MATCAP1: variants seen among roughly 807,000 people sequenced by gnomAD.
MATCAP1 encodes the protein microtubule-associated tyrosine carboxypeptidase 1.
chr16:67,176,975 C>T, the MATCAP1 span: 1 of 1,539,582 alleles, frequency 6.5e-7, no homozygotes, highest in African/African-American at 1.4e-5. This position sits in a 1 kb window ranked among gnomAD's most constrained non-coding sequence, Gnocchi z 4.3. Flanking sequence ...TCATAGGACA[C>T]CTGCAGGAGG....
the MATCAP1 span, chr16:67,178,224 G>C: frequency 6.5e-7 from 1 of 1,541,014 alleles, no homozygotes; most frequent in South Asian, 1.2e-5. Context: ...CGGTCTGGCC[G>C]CGCTTGGCGC....
the MATCAP1 span, chr16:67,178,215 G>T: frequency 5.8e-6 from 9 of 1,540,132 alleles, no homozygotes; most frequent in East Asian, 2.4e-5. Flanking sequence ...GCGAGGTGTC[G>T]GTCTGGCCGC....
the MATCAP1 span, chr16:67,178,192 C>T: frequency 6.5e-7 from 1 of 1,531,956 alleles, no homozygotes; most frequent in Non-Finnish European, 8.8e-7. Context: ...CCCGCGCTGG[C>T]GCACACCTGG....
chr16:67,178,983 C>G, the MATCAP1 span: 1 of 483,554 alleles, frequency 2.1e-6, no homozygotes, highest in Non-Finnish European at 3.3e-6. Context: ...GCCCTGCACC[C>G]CCCTGCCCAA....
the MATCAP1 span, chr16:67,178,626 C>T: frequency 1.1e-6 from 1 of 896,894 alleles, no homozygotes; most frequent in East Asian, 2.6e-5. Flanking sequence ...TCCTCATGCT[C>T]CTGAACTCAG....
the MATCAP1 span, chr16:67,180,633 G>C: frequency 6.7e-7 from 1 of 1,488,120 alleles, no homozygotes; most frequent in Non-Finnish European, 9.0e-7. Context: ...GTCACATCCA[G>C]CCGGGTCACT....
At chr16:67,183,849 C>T in the MATCAP1 span, 1 of 172,878 alleles carries the variant, frequency 5.8e-6, no homozygotes, top group Admixed American at 6.4e-5. Flanking sequence ...TTGGGGGGGT[C>T]CGTCCGCGTG....
chr16:67,176,099 G>A, the MATCAP1 span: 1 of 148,884 alleles, frequency 6.7e-6, no homozygotes, highest in Non-Finnish European at 1.5e-5. This position sits in a 1 kb window ranked among gnomAD's most constrained non-coding sequence, Gnocchi z 4.3. Context: ...GTGTGTGTGT[G>A]TGTGTGTGTG....
chr16:67,181,254 G>A, the MATCAP1 span, among the ~76,000 whole-genome samples: 4 of 152,202 alleles, frequency 2.6e-5, no homozygotes, highest in African/African-American at 9.7e-5. Context: ...TGCCACCCCT[G>A]CCCATCCACC....
chr16:67,181,783 C>G, the MATCAP1 span: 1 of 152,326 alleles, frequency 6.6e-6, no homozygotes, highest in African/African-American at 2.4e-5. Context: ...GCTCCTATTG[C>G]AGCACATACC....
At chr16:67,181,973 A>C in the MATCAP1 span, among the ~76,000 whole-genome samples, 1 of 152,224 alleles carries the variant, frequency 6.6e-6, no homozygotes, top group Non-Finnish European at 1.5e-5. Context: ...CCTGGAGGCC[A>C]GGCAGGGTGG....
At chr16:67,177,983 G>A in the MATCAP1 span, 1 of 1,592,108 alleles carries the variant, frequency 6.3e-7, no homozygotes, top group Non-Finnish European at 8.6e-7. Flanking sequence ...AGCTGGCTGG[G>A]ACCTCTGAAG....
chr16:67,178,395 G>A, the MATCAP1 span: 7 of 1,549,664 alleles, frequency 4.5e-6, no homozygotes, highest in Admixed American at 1.4e-4. Flanking sequence ...TGTGCAGGCT[G>A]GCCAGGCCCT....
At chr16:67,175,937 C>G in the MATCAP1 span, 1 of 152,452 alleles carries the variant, frequency 6.6e-6, no homozygotes, top group Non-Finnish European at 1.5e-5. Context: ...GCTATGCCAA[C>G]CTCTGCCAGA....
chr16:67,175,787 G>A, the MATCAP1 span: 1 of 152,310 alleles, frequency 6.6e-6, no homozygotes, highest in Admixed American at 6.5e-5. Context: ...AAGGATAGGA[G>A]TGGGGTTCAC....
At chr16:67,179,794 G>A in the MATCAP1 span, 1 of 1,613,232 alleles carries the variant, frequency 6.2e-7, no homozygotes. The surrounding 1 kb of genome is among the most constrained non-coding windows in gnomAD (Gnocchi z 5.2). Context: ...TGTAGAGGAA[G>A]GGCTCTGCAG....
the MATCAP1 span, among the ~76,000 whole-genome samples, chr16:67,180,867 G>A: frequency 1.7e-4 from 26 of 152,258 alleles, 1 homozygote; most frequent in Admixed American, 5.2e-4. Flanking sequence ...TTTTGTTTTC[G>A]TTTTTGTTTT....
chr16:67,179,506 G>A, the MATCAP1 span: 1 of 1,613,222 alleles, frequency 6.2e-7, no homozygotes, highest in Non-Finnish European at 8.5e-7. The surrounding 1 kb of genome is among the most constrained non-coding windows in gnomAD (Gnocchi z 5.2). Flanking sequence ...TGGGCCGGCT[G>A]TTCTCCACCA....
At chr16:67,181,402 T>G in the MATCAP1 span, among the ~76,000 whole-genome samples, 1 of 152,212 alleles carries the variant, frequency 6.6e-6, no homozygotes, top group Non-Finnish European at 1.5e-5. Flanking sequence ...AATCTGCTTT[T>G]GGGAAGCAGA....
Sources: allele counts gnomAD v4.1 joint callset (sites outside exome capture counted in the v4.1 genomes callset), GRCh38; gene constraint gnomAD v4.1.1; non-coding constraint Gnocchi (gnomAD v3.1); transcripts MANE v1.5; gene names NCBI Gene and HGNC (gene_info 2026-07-23, HGNC 2026-07-21).